Variants in PLEKHF2 observed in about 807,000 individuals in gnomAD.
PLEKHF2 encodes pleckstrin homology and FYVE domain containing 2, also known as pleckstrin homology domain-containing family F member 2.
Under a neutral mutation model 14.7 loss-of-function variants are expected in PLEKHF2, and 4 were observed. The observed-to-expected ratio is 0.27, with a 90% confidence interval of 0.13 to 0.62. PLEKHF2 has a LOEUF of 0.62. Ranked by LOEUF, PLEKHF2 falls within the 20% of genes least tolerant of loss-of-function variation. The pLI is 0.85. For synonymous variants in PLEKHF2, 90 were observed against 103.5 expected (o/e 0.87, Z 0.79); for missense variants, 201 against 307.7 (o/e 0.65, Z 2.60).
intron 1 of PLEKHF2, among the ~76,000 whole-genome samples, chr8:95,139,422 G>A (rs925303470): frequency 5.9e-5 from 9 of 152,256 alleles, no homozygotes; most frequent in African/African-American, 1.9e-4. Flanking sequence ...TGGGAGGATC[G>A]CTTGAGACTG....
intron 1 of PLEKHF2, among the ~76,000 whole-genome samples, chr8:95,143,255 G>A (rs1364082366): frequency 1.3e-5 from 2 of 151,858 alleles, no homozygotes; most frequent in South Asian, 2.1e-4. Context: ...GCCCGCTACC[G>A]TGCCCGGCTA....
chr8:95,139,624 A>T (rs539346341), intron 1 of PLEKHF2, among the ~76,000 whole-genome samples: 66 of 152,268 alleles, frequency 4.3e-4, no homozygotes, highest in African/African-American at 1.6e-3. Flanking sequence ...TTTTTGTGAT[A>T]CATTTAACTA....
intron 1 of PLEKHF2, among the ~76,000 whole-genome samples, chr8:95,136,373 C>CAT (rs1554695754): frequency 0.018 from 2,643 of 145,156 alleles, 73 homozygotes; most frequent in African/African-American, 0.062. Context: ...CACACACACA[C>CAT]ATGTTTTGTT....
chr8:95,142,128 T>C (rs1446356890), intron 1 of PLEKHF2, among the ~76,000 whole-genome samples: 4 of 152,216 alleles, frequency 2.6e-5, no homozygotes, highest in Non-Finnish European at 4.4e-5. Flanking sequence ...ACCTTGAATG[T>C]AGTGAGCAGG....
At chr8:95,138,807 A>G (rs376302926) in intron 1 of PLEKHF2, among the ~76,000 whole-genome samples, 4 of 152,322 alleles carry the variant, frequency 2.6e-5, no homozygotes, top group East Asian at 3.9e-4. Flanking sequence ...TAATTTATTT[A>G]GTCTCCTATT....
intron 1 of PLEKHF2, among the ~76,000 whole-genome samples, chr8:95,139,050 G>A (rs1295381208): frequency 6.6e-6 from 1 of 152,206 alleles, no homozygotes; most frequent in East Asian, 1.9e-4. Flanking sequence ...TCTTAGGTGA[G>A]TAATATATGA....
chr8:95,145,422 C>T (rs141643895), intron 1 of PLEKHF2, among the ~76,000 whole-genome samples: 1 of 151,850 alleles, frequency 6.6e-6, no homozygotes, highest in African/African-American at 2.4e-5. Flanking sequence ...ACGCAATTTA[C>T]TAAATTTTGA....
chr8:95,146,095 A>T (rs1810497357), intron 1 of PLEKHF2, among the ~76,000 whole-genome samples: 1 of 152,238 alleles, frequency 6.6e-6, no homozygotes. Context: ...AAATTTGATT[A>T]AAAATTAACT....
rs1029466109 is a variant in PLEKHF2 at position 95,155,035 on chromosome 8, T to A, written c.*241T>A. 6.0e-5 allele frequency: 29 copies of A among 482,372 alleles called. No individual in the cohort carries two copies. Among genetic ancestry groups the A allele is most frequent in the African/African-American group, 5.2e-4 (27 of 51,708 alleles). 29.9% of individuals were successfully genotyped at this position (482,372 alleles called of 1,614,324 possible). On this transcript the variant is annotated 3_prime_UTR_variant, in exon 2 of 2. Coordinates refer to ENST00000315367, the MANE Select transcript of PLEKHF2 (RefSeq NM_024613.4). The stretch of plus-strand genomic sequence containing the variant: ...ATCAGATAAATTTTTTGTTTCTTGT[T>A]TATTTTTAGGTTATTTTCTTGGAAG...
chr8:95,150,943 TA>T (rs1810555166), intron 1 of PLEKHF2, among the ~76,000 whole-genome samples: 1 of 152,108 alleles, frequency 6.6e-6, no homozygotes, highest in Non-Finnish European at 1.5e-5. Context: ...TACTCATCCA[TA>T]AAATGGAGCT....
chr8:95,140,676 T>C (rs1423165275), intron 1 of PLEKHF2, among the ~76,000 whole-genome samples: 1 of 152,228 alleles, frequency 6.6e-6, no homozygotes. Context: ...GCTACTACTT[T>C]TGCTTTAAGG....
chr8:95,152,698 G>T lies in PLEKHF2; in HGVS notation c.-14-1333G>T, dbSNP rs1480950348. Among the ~76,000 whole-genome samples, 7 of 152,126 alleles carry T rather than the reference G, an allele frequency of 4.6e-5. No individual in the cohort carries two copies. In the South Asian group the frequency reaches 1.0e-3, roughly 23 times the overall value. ...TTTAGGCCTGCTACATCCTACTTTTGTGGAGGACAAGAGGGCTTTATAAGG... is the reference window on the plus strand; with the variant it reads ...TTTAGGCCTGCTACATCCTACTTTTTTGGAGGACAAGAGGGCTTTATAAGG... On this transcript the variant is annotated intron_variant, in intron 1 of 1. Coordinates refer to ENST00000315367, the MANE Select transcript of PLEKHF2 (RefSeq NM_024613.4).
At chr8:95,151,875 T>TA (rs1433615257) in intron 1 of PLEKHF2, among the ~76,000 whole-genome samples, 7 of 152,080 alleles carry the variant, frequency 4.6e-5, no homozygotes, top group African/African-American at 1.7e-4. Flanking sequence ...ATAGTATATA[T>TA]TTTTTAACTT....
intron 1 of PLEKHF2, among the ~76,000 whole-genome samples, chr8:95,148,193 CTT>C (rs33980855): frequency 0.08 from 12,109 of 151,854 alleles, 655 homozygotes; most frequent in African/African-American, 0.14. Flanking sequence ...AAAGCTTTCT[CTT>C]AAAGTTTTTT....
intron 1 of PLEKHF2, among the ~76,000 whole-genome samples, chr8:95,142,186 C>T (rs1277647777): frequency 6.6e-6 from 1 of 152,184 alleles, no homozygotes; most frequent in Non-Finnish European, 1.5e-5. Flanking sequence ...AGGGATGTCA[C>T]AGGATAACTA....
At chr8:95,150,839 C>G (rs1810553841) in intron 1 of PLEKHF2, among the ~76,000 whole-genome samples, 1 of 152,098 alleles carries the variant, frequency 6.6e-6, no homozygotes, top group South Asian at 2.1e-4. Flanking sequence ...AATTAGTGTA[C>G]CATAACATAC....
rs374025171 is a variant in PLEKHF2, at chr8:95,149,150, C to T, written c.-14-4881C>T. ...AATCATTGACCTCATTAGGTAGCTA[C>T]GGAAGAAAACATTAAATTAAATTAA... On this transcript the variant is annotated intron_variant, in intron 1 of 1. Coordinates refer to ENST00000315367, the MANE Select transcript of PLEKHF2 (RefSeq NM_024613.4). Among the ~76,000 whole-genome samples the T allele has an allele frequency of 3.3e-5, 5 of 152,064 alleles. No homozygotes were observed. The East Asian group carries it at 7.7e-4, about 23-fold the overall frequency.
At chr8:95,139,457 A>C (rs1320078699) in intron 1 of PLEKHF2, among the ~76,000 whole-genome samples, 1 of 152,146 alleles carries the variant, frequency 6.6e-6, no homozygotes, top group Non-Finnish European at 1.5e-5. Flanking sequence ...CAGTGAGTTG[A>C]GATTGTGCCA....
chr8:95,136,053 T>A (rs1198814607), intron 1 of PLEKHF2, among the ~76,000 whole-genome samples: 1 of 152,196 alleles, frequency 6.6e-6, no homozygotes, highest in African/African-American at 2.4e-5. Flanking sequence ...ATGGTATTAC[T>A]GTAAATATCG....
Sources: allele counts gnomAD v4.1 joint callset (sites outside exome capture counted in the v4.1 genomes callset), GRCh38; gene constraint gnomAD v4.1.1; transcripts MANE v1.5; gene names NCBI Gene and HGNC (gene_info 2026-07-23, HGNC 2026-07-21).